IFI35: variants seen among roughly 807,000 people sequenced by gnomAD.
IFI35 encodes the protein interferon induced protein 35, also known as interferon-induced 35 kDa protein.
Under a neutral mutation model 28.6 loss-of-function variants are expected in IFI35, and 30 were observed. The observed-to-expected ratio is 1.05, with a 90% CI of 0.79 to 1.43. The LOEUF is 1.43. IFI35 is among the 40% of genes most tolerant of loss of function. The pLI, the probability that IFI35 is intolerant of heterozygous loss-of-function variation, is 0.00. For synonymous variants in IFI35, 146 were observed against 154.8 expected, an observed-to-expected ratio of 0.94 and a Z score of 0.42; for missense variants, 372 against 356.9, an observed-to-expected ratio of 1.04 and a Z score of -0.34.
rs762665256 is a variant in IFI35, at chr17:43,014,182, T to TGACGTCCTGGAGATCCAC, written c.745_762dup (p.Asp249_His254dup). On this transcript the variant is annotated inframe_insertion, in exon 7 of 7. Transcript: ENST00000415816. ...ATATCTTGGATGGCCCGGAGCTGCA[T>TGACGTCCTGGAGATCCAC]GACGTCCTGGAGATCCACTTCCAGA... 2 of 1,614,040 alleles carry TGACGTCCTGGAGATCCAC rather than the reference T, an allele frequency of 1.2e-6. No individual in the cohort carries two copies. Among genetic ancestry groups the TGACGTCCTGGAGATCCAC allele is most frequent in the Non-Finnish European group, 1.7e-6 (2 of 1,179,946 alleles).
In IFI35 at chr17:43,014,036, C is replaced by T; in HGVS notation, c.670-72C>T. The T allele has an allele frequency of 3.4e-6, 5 of 1,472,554 alleles. No homozygotes were observed. In the South Asian group the frequency reaches 4.8e-5, roughly 14 times the overall value. The allele number at this position is 1,472,554 out of a possible 1,614,324, so 91.2% of individuals were successfully genotyped here. A position where few individuals can be genotyped will look rare whatever the true frequency, so the allele number is the denominator to read the frequency against. ...CTCCCGACCTCATACCCCCATGGGG[C>T]ACTGCCTGCCCTACCCCCAGCCCCC... On this transcript the variant is annotated intron_variant, in intron 6 of 6. Transcript: ENST00000415816.
intron 4 of IFI35, 47 bp from the exon 5 acceptor site, chr17:43,013,429 G>A: frequency 6.2e-7 from 1 of 1,612,882 alleles, no homozygotes; most frequent in Non-Finnish European, 8.5e-7. Context: ...CCTGGGCATG[G>A]GGAAGTGGAG....
At chr17:43,013,439 G>C (rs769421604) in intron 4 of IFI35, 37 bp from the exon 5 acceptor site, 1 of 1,612,930 alleles carries the variant, frequency 6.2e-7, no homozygotes, top group Non-Finnish European at 8.5e-7. Context: ...GGGAAGTGGA[G>C]CTGTGTCTGG....
At chr17:43,009,927 C>T (rs548843638) in intron 1 of IFI35, among the ~76,000 whole-genome samples, 30 of 150,232 alleles carry the variant, frequency 2.0e-4, no homozygotes, top group African/African-American at 5.6e-4. Flanking sequence ...AGGGAGACTC[C>T]GTCTCAGAAA....
chr17:43,006,969 G>C lies in IFI35; in HGVS notation c.21+1G>C, dbSNP rs763757077. ...ACCCATGTCAGCCCCACTGGATGCC[G>C]TAAGTGAGGAGGAGGGAGTTGGGAA... On this transcript the variant is annotated splice_donor_variant, in intron 1 of 6. Transcript: ENST00000415816. LOFTEE classifies it high-confidence loss of function. 6 of 1,613,800 alleles carry C rather than the reference G, an allele frequency of 3.7e-6. No individual in the cohort carries two copies. The highest frequency in any genetic ancestry group is 1.6e-4 in the Middle Eastern group (1 of 6,082).
intron 2 of IFI35, chr17:43,012,837 AG>A (rs2050473457): frequency 5.1e-6 from 3 of 585,022 alleles, no homozygotes; most frequent in African/African-American, 1.9e-5. Flanking sequence ...ACATCTGTAA[AG>A]TAGAGCTACC....
Position 43,014,283 on chromosome 17 carries a change from CCT to C in IFI35, c.848_849del (p.Ser283Ter), listed in dbSNP as rs766985273. On this transcript the variant is annotated frameshift_variant, in exon 7 of 7. Transcript: ENST00000415816. LOFTEE classifies it high-confidence loss of function. ...GGACAGCAGGGCCTAGCAGTCTTCA[CCT>C]CTGAGTCAGGCTAGGGGCCTCCCCT... 4 of 1,569,872 alleles carry C rather than the reference CCT, an allele frequency of 2.5e-6. No individual in the cohort carries two copies. The highest frequency in any genetic ancestry group is 1.2e-5 in the South Asian group (1 of 83,788).
At chr17:43,013,416 G>A in intron 4 of IFI35, 43 bp downstream of exon 4, 1 of 1,611,134 alleles carries the variant, frequency 6.2e-7, no homozygotes, top group Non-Finnish European at 8.5e-7. Context: ...AGCATGCCAT[G>A]CACCTGGGCA....
Position 43,014,252 on chromosome 17 carries a change from C to A in IFI35, c.814C>A (p.Pro272Thr). The A allele has an allele frequency of 6.2e-7, 1 of 1,605,728 alleles. No individual in the cohort carries two copies. Among genetic ancestry groups the A allele is most frequent in the Non-Finnish European group, 8.5e-7 (1 of 1,176,186 alleles). The change falls in exon 7 of 7, where the codon CCC becomes ACC. Residue 272 changes from proline to threonine, a missense_variant. Coordinates refer to ENST00000415816, the MANE Select transcript of IFI35 (RefSeq NM_001330230.2). ...GGAGGTAGAGGCCCTGACAGTCGTA[C>A]CCCAAGGACAGCAGGGCCTAGCAGT... ...GGEVEALTVVPQGQQGLAVFT... is the reference protein window; with the variant it reads ...GGEVEALTVVTQGQQGLAVFT...
At chr17:43,007,814 A>AGACT (rs2050421050) in intron 1 of IFI35, among the ~76,000 whole-genome samples, 1 of 141,606 alleles carries the variant, frequency 7.1e-6, no homozygotes, top group Non-Finnish European at 1.5e-5. Flanking sequence ...CAACAGAGGG[A>AGACT]GACTGTCTCT....
rs575894583 is a variant in IFI35 at position 43,013,987 on chromosome 17, T to C, written c.669+105T>C. On this transcript the variant is annotated intron_variant, in intron 6 of 6. Transcript: ENST00000415816. ...AGGCCCCAAACCCCACTGACCTACC[T>C]ACCCACCATCAGCCTCTCCAGGCCT... is the stretch of plus-strand genomic sequence containing the variant. 19 of 1,280,994 alleles carry C rather than the reference T, an allele frequency of 1.5e-5. No individual in the cohort carries two copies. In the African/African-American group the frequency reaches 2.5e-4, roughly 17 times the overall value. 79.4% of individuals were successfully genotyped at this position (1,280,994 alleles called of 1,614,324 possible).
intron 6 of IFI35, 98 bp from the exon 7 acceptor site, chr17:43,014,010 C>T (rs934418991): frequency 7.5e-6 from 10 of 1,341,536 alleles, no homozygotes; most frequent in Non-Finnish European, 9.4e-6. Context: ...CCTCTCCAGG[C>T]CTCCCGACCT....
chr17:43,013,181 T>G lies in IFI35; in HGVS notation c.255T>G (p.Phe85Leu). 1 of 1,614,054 alleles carries G rather than the reference T, an allele frequency of 6.2e-7. No homozygotes were observed. The highest frequency in any genetic ancestry group is 8.5e-7 in the Non-Finnish European group (1 of 1,179,990). Reference protein sequence around the residue: ...PLLAGSALITFDDPKVAEQVL... With the variant: ...PLLAGSALITLDDPKVAEQVL... ...TTGCGGGCTCTGCTCTGATCACCTT[T>G]GATGACCCCAAAGGTAAGCTCATGG... Residue 85 changes from phenylalanine (F) to leucine (L), a missense_variant, in exon 3 of 7, where the codon TTT (phenylalanine) becomes TTG (leucine). Transcript: ENST00000415816.
At chr17:43,010,264 A>G (rs895649302) in intron 1 of IFI35, among the ~76,000 whole-genome samples, 2 of 151,572 alleles carry the variant, frequency 1.3e-5, no homozygotes, top group African/African-American at 4.8e-5. Context: ...AATAGCTGGC[A>G]TGATGGCACA....
Position 43,014,165 on chromosome 17 carries a change from G to A in IFI35, c.727G>A (p.Asp243Asn). The stretch of plus-strand genomic sequence containing the variant: ...GGTGCTCAACATTCCTGATATCTTG[G>A]ATGGCCCGGAGCTGCATGACGTCCT... ...VLVLNIPDIL[D>N]GPELHDVLEI... is the part of the protein sequence containing the mutation. The change falls in exon 7 of 7, where the codon GAT becomes AAT. Residue 243 changes from aspartate (D) to asparagine (N), a missense_variant. Physicochemically the swap from Asp to Asn is conservative, Grantham distance 23. Transcript: ENST00000415816. 1 of 1,614,064 alleles carries A rather than the reference G, an allele frequency of 6.2e-7. No homozygotes were observed. The highest frequency in any genetic ancestry group is 8.5e-7 in the Non-Finnish European group (1 of 1,179,998).
intron 5 of IFI35, 32 bp downstream of exon 5, chr17:43,013,694 A>C (rs377078569): frequency 6.4e-5 from 103 of 1,611,250 alleles, no homozygotes; most frequent in Non-Finnish European, 8.3e-5. Context: ...TGCAGGGGAG[A>C]GGGTATAGGG....
In IFI35 at chr17:43,013,770, C is replaced by T. The variant is rs776692577; in HGVS notation, c.563-6C>T. The T allele has an allele frequency of 7.4e-6, 12 of 1,613,164 alleles. No individual in the cohort carries two copies. Among genetic ancestry groups the T allele is most frequent in the Non-Finnish European group, 9.3e-6 (11 of 1,179,508 alleles). The stretch of plus-strand genomic sequence containing the variant: ...CTAAAGGCCCACCCCTCCTTGCTCC[C>T]CACAGTGGCTCAGCGTCTGTGCCAA... On this transcript the variant is annotated splice_region_variant and splice_polypyrimidine_tract_variant and intron_variant, in intron 5 of 6. Transcript: ENST00000415816.
intron 3 of IFI35, 26 bp from the exon 4 acceptor site, chr17:43,013,241 T>G (rs376711701): frequency 1.9e-5 from 31 of 1,613,936 alleles, no homozygotes; most frequent in Admixed American, 1.3e-4. Context: ...GGGTTCCCAG[T>G]ACTGACCCTG....
At chr17:43,011,128 C>T (rs2050454348) in intron 1 of IFI35, among the ~76,000 whole-genome samples, 2 of 152,278 alleles carry the variant, frequency 1.3e-5, no homozygotes, top group South Asian at 4.1e-4. Flanking sequence ...CACTGTAAAG[C>T]ACAGGTTAGT....
Sources: allele counts gnomAD v4.1 joint callset (sites outside exome capture counted in the v4.1 genomes callset), GRCh38; gene constraint gnomAD v4.1.1; transcripts MANE v1.5; gene names NCBI Gene and HGNC (gene_info 2026-07-23, HGNC 2026-07-21).